Variants in DACH2 observed in about 807,000 individuals in gnomAD.
The protein encoded by DACH2 is dachshund homolog 2.
A neutral mutation model predicts 35.8 loss-of-function variants in DACH2; 17 were observed. The ratio of observed to expected loss-of-function variants is 0.48; its 90% confidence interval spans 0.33 to 0.71. The LOEUF (loss-of-function observed/expected upper bound fraction) is 0.71. Ranked by LOEUF, DACH2 falls within the 30% of genes least tolerant of loss-of-function variation. The probability of loss-of-function intolerance (pLI) is 0.02; values close to 1 mark genes in which losing one functional copy is unlikely to be tolerated. For missense variants in DACH2, 469 were observed against 472.7 expected, an observed-to-expected ratio of 0.99 and a Z score of 0.07; for synonymous variants, 195 against 177.3, an observed-to-expected ratio of 1.10 and a Z score of -0.79.
intron 1 of DACH2, among the ~76,000 whole-genome samples, chrX:86,330,576 G>T (rs950866417): frequency 9.0e-6 from 1 of 111,311 alleles, no homozygotes; most frequent in African/African-American, 3.3e-5. Flanking sequence ...TCAGTGATGT[G>T]TTATGAAATA....
At chrX:86,638,937 T>C (rs1185052107) in intron 3 of DACH2, among the ~76,000 whole-genome samples, 1 of 111,958 alleles carries the variant, frequency 8.9e-6, no homozygotes, top group African/African-American at 3.3e-5. Context: ...GGAATTATTA[T>C]ATCAAAAATA....
chrX:86,807,184 C>T (rs2042352853), intron 7 of DACH2, among the ~76,000 whole-genome samples: 2 of 111,620 alleles, frequency 1.8e-5, no homozygotes, highest in Admixed American at 1.9e-4. Context: ...TATTTCCAAA[C>T]ATTGTGTTTC....
intron 7 of DACH2, among the ~76,000 whole-genome samples, chrX:86,809,659 T>G (rs1340942302): frequency 8.9e-6 from 1 of 111,824 alleles, no homozygotes; most frequent in Non-Finnish European, 1.9e-5. Context: ...AGAAACTTAA[T>G]CATAAGAAGT....
chrX:86,472,782 A>T (rs1195431793), intron 2 of DACH2, among the ~76,000 whole-genome samples: 2 of 111,876 alleles, frequency 1.8e-5, no homozygotes, highest in Non-Finnish European at 3.8e-5. Flanking sequence ...TAAGTGGAGG[A>T]TTTGAAGAAA....
At chrX:86,264,443 TA>T (rs1190892976) in intron 1 of DACH2, among the ~76,000 whole-genome samples, 1 of 111,999 alleles carries the variant, frequency 8.9e-6, no homozygotes, top group East Asian at 2.8e-4. Context: ...CCAGCTCAAT[TA>T]CCAGTTTATT....
chrX:86,171,324 G>A (rs1366805798), intron 1 of DACH2, among the ~76,000 whole-genome samples: 1 of 111,012 alleles, frequency 9.0e-6, no homozygotes, highest in Non-Finnish European at 1.9e-5. Context: ...CACTCCTTTG[G>A]CTGTCCCAGT....
chrX:86,610,422 C>CTTTCTTTCTTTCTTTCTT (rs2039926991), intron 3 of DACH2, among the ~76,000 whole-genome samples: 12 of 45,897 alleles, frequency 2.6e-4, no homozygotes, highest in South Asian at 9.3e-4. Context: ...TCTTTCTTTT[C>CTTTCTTTCTTTCTTTCTT]TTTCTTTCTT....
intron 7 of DACH2, among the ~76,000 whole-genome samples, chrX:86,758,921 A>G (rs749038677): frequency 8.9e-6 from 1 of 111,769 alleles, no homozygotes; most frequent in Non-Finnish European, 1.9e-5. Context: ...CAAACAATCC[A>G]CTCATATTCT....
intron 1 of DACH2, among the ~76,000 whole-genome samples, chrX:86,247,018 T>A (rs1387494465): frequency 9.0e-6 from 1 of 111,362 alleles, no homozygotes; most frequent in Non-Finnish European, 1.9e-5. Flanking sequence ...AATAAAAGCA[T>A]GGGTTGCTTT....
At chrX:86,802,528 GAA>G (rs34700295) in intron 7 of DACH2, among the ~76,000 whole-genome samples, 2,357 of 63,103 alleles carry the variant, frequency 0.037, 113 homozygotes, top group African/African-American at 0.13. Context: ...TTTCTTGGTT[GAA>G]AAAAAAAAAA....
chrX:86,369,376 T>A (rs943097477), intron 1 of DACH2, among the ~76,000 whole-genome samples: 2 of 111,055 alleles, frequency 1.8e-5, no homozygotes, highest in Non-Finnish European at 3.8e-5. Flanking sequence ...TGTCAGGGAT[T>A]AAGTCAGGAG....
At chrX:86,271,153 A>G (rs1302818207) in intron 1 of DACH2, among the ~76,000 whole-genome samples, 1 of 111,634 alleles carries the variant, frequency 9.0e-6, no homozygotes, top group African/African-American at 3.2e-5. Flanking sequence ...CAAATAATGT[A>G]TTATAGAGAA....
At chrX:86,581,475 G>A (rs889311464) in intron 3 of DACH2, among the ~76,000 whole-genome samples, 3 of 111,584 alleles carry the variant, frequency 2.7e-5, no homozygotes, top group African/African-American at 9.8e-5. Flanking sequence ...GTGTTTGAGA[G>A]ATGCATCTCA....
rs184872707 is a variant in DACH2, at chrX:86,695,969, T to C, written c.931+790T>C. Among the ~76,000 whole-genome samples, 180 of 111,601 alleles carry C rather than the reference T, an allele frequency of 1.6e-3. 1 individual carries two copies. Among genetic ancestry groups the C allele is most frequent in the African/African-American group, 5.7e-3 (174 of 30,792 alleles). ...TAAAATAAAATATGTTAACAGTGAATTGCATATAGTAAGTACTATATATAT... is the reference window on the plus strand; with the variant it reads ...TAAAATAAAATATGTTAACAGTGAACTGCATATAGTAAGTACTATATATAT... On this transcript the variant is annotated intron_variant, in intron 5 of 11. Coordinates refer to ENST00000373125, the MANE Select transcript of DACH2 (RefSeq NM_053281.3).
intron 3 of DACH2, among the ~76,000 whole-genome samples, chrX:86,576,361 T>C (rs1157759406): frequency 8.9e-6 from 1 of 112,074 alleles, no homozygotes; most frequent in African/African-American, 3.2e-5. Context: ...ACTCTAACTT[T>C]ATAAGGGCAT....
chrX:86,255,627 G>C (rs988739580), intron 1 of DACH2, among the ~76,000 whole-genome samples: 2 of 111,315 alleles, frequency 1.8e-5, no homozygotes, highest in Non-Finnish European at 3.8e-5. Context: ...CCTAGCACAC[G>C]ACCGTGTTTG....
intron 3 of DACH2, among the ~76,000 whole-genome samples, chrX:86,642,290 A>C (rs1453268279): frequency 1.8e-5 from 2 of 111,844 alleles, no homozygotes; most frequent in African/African-American, 6.5e-5. Context: ...AAACAGAAAA[A>C]AACAGGAGTT....
intron 7 of DACH2, among the ~76,000 whole-genome samples, chrX:86,802,485 C>A (rs1348279654): frequency 9.6e-6 from 1 of 103,727 alleles, no homozygotes; most frequent in Non-Finnish European, 2.0e-5. Context: ...AATTTCCCTT[C>A]CTGATCTGTG....
At chrX:86,319,106 C>A (rs1034018557) in intron 1 of DACH2, among the ~76,000 whole-genome samples, 6 of 111,796 alleles carry the variant, frequency 5.4e-5, no homozygotes, top group Non-Finnish European at 1.1e-4. Flanking sequence ...ATGAGTTTTG[C>A]TAAAGAGCAG....
Sources: gnomAD v4.1 joint callset for allele counts (sites outside exome capture counted in the v4.1 genomes callset) on GRCh38, gnomAD v4.1.1 for gene constraint, MANE v1.5 for transcripts, NCBI Gene and HGNC (gene_info 2026-07-23, HGNC 2026-07-21) for gene names.